The following IHH variants were observed in gnomAD, a reference collection of about 807,000 sequenced individuals.
IHH encodes Indian hedgehog signaling molecule.
Under a neutral mutation model 29.4 loss-of-function variants are expected in IHH, and 9 were observed. That is an observed-to-expected ratio of 0.31 (90% CI 0.18 to 0.53). IHH has a LOEUF of 0.53. IHH is among the 20% of genes least tolerant of loss of function. IHH has a pLI of 0.95. For missense variants in IHH, 454 were observed against 578.1 expected, an observed-to-expected ratio of 0.79 and a Z score of 2.20; for synonymous variants, 254 against 252.7, an observed-to-expected ratio of 1.01 and a Z score of -0.05.
At position 219,055,520 on chromosome 2, in the gene IHH, C is replaced by A. The variant is rs1948822341; in HGVS notation, c.923G>T (p.Gly308Val). Residue 308 changes from glycine (G) to valine (V), a missense_variant, in exon 3 of 3, where the codon GGG becomes GTG. Around this residue, in one of 3 missense-constraint regions of IHH, gnomAD observed 271 missense variants for 315.9 expected, o/e 0.86. Transcript: ENST00000295731. Reference protein sequence around the residue: ...VQPGQYVLVAGVPGLQPARVA... With the variant: ...VQPGQYVLVAVVPGLQPARVA... Reference sequence around the variant, plus strand: ...GCGGGCAGGCTGCAGGCCTGGCACCCCAGCCACCAGCACGTACTGGCCAGG... The same window carrying A: ...GCGGGCAGGCTGCAGGCCTGGCACCACAGCCACCAGCACGTACTGGCCAGG... The A allele has an allele frequency of 6.2e-7, 1 of 1,611,188 alleles. No homozygotes were observed. Among genetic ancestry groups the A allele is most frequent in the Non-Finnish European group, 8.5e-7 (1 of 1,178,620 alleles).
At position 219,055,624 on chromosome 2, in the gene IHH, G is replaced by A. The variant is rs61747697; in HGVS notation, c.819C>T (p.Pro273=). 2,680 of 1,614,024 alleles carry A rather than the reference G, an allele frequency of 1.7e-3. 47 individuals are homozygous for A. The African/African-American group carries it at 0.029, about 18-fold the overall frequency. Residue 273 remains proline (P), a synonymous_variant, in exon 3 of 3, where the codon CCC becomes CCT. Transcript: ENST00000295731. ...QDPPRRLALT[P]AHLLFTADNH... Reference sequence around the variant, plus strand: ...TGTCAGCCGTAAAGAGCAGGTGAGCGGGTGTGAGTGCCAGGCGGCGTGGGG... The same window carrying A: ...TGTCAGCCGTAAAGAGCAGGTGAGCAGGTGTGAGTGCCAGGCGGCGTGGGG...
chr2:219,054,987 T>C lies in IHH; in HGVS notation c.*220A>G. 1 of 598,336 alleles carries C rather than the reference T, an allele frequency of 1.7e-6. No individual in the cohort carries two copies. The highest frequency in any genetic ancestry group is 2.8e-5 in the East Asian group (1 of 35,478). The allele number at this position is 598,336 out of a possible 1,614,324, so 37.1% of individuals were successfully genotyped here. A position where few individuals can be genotyped will look rare whatever the true frequency, so the allele number is the denominator to read the frequency against. ...TCTAGGAGAGAGGGGTCAACAACCA[T>C]CCCCTCGCCAGCTCAGCTTGCAGCT... On this transcript the variant is annotated 3_prime_UTR_variant, in exon 3 of 3. Transcript: ENST00000295731.
chr2:219,056,381 A>G (rs968867084), intron 2 of IHH, among the ~76,000 whole-genome samples: 1 of 146,152 alleles, frequency 6.8e-6, no homozygotes, highest in Non-Finnish European at 1.6e-5. Context: ...GGGGCAGGCC[A>G]GGGGCGAGGA....
chr2:219,054,879 C>T lies in IHH; in HGVS notation c.*328G>A, dbSNP rs907700737. On this transcript the variant is annotated 3_prime_UTR_variant, in exon 3 of 3. Transcript: ENST00000295731. ...AGGGGCCTAAGATGGATGGAATGGG[C>T]CCTCCCCAATGGGGGAGGCAGAGTA... 5.6e-6 allele frequency: 2 copies of T among 354,920 alleles called. No homozygotes were observed. Among genetic ancestry groups the T allele is most frequent in the South Asian group, 3.4e-5 (1 of 29,810 alleles). 22.0% of individuals were successfully genotyped at this position (354,920 alleles called of 1,614,324 possible). A position where few individuals can be genotyped will look rare whatever the true frequency, so the allele number is the denominator to read the frequency against.
Position 219,055,504 on chromosome 2 carries a change from C to T in IHH, c.939G>A (p.Gln313=). Residue 313 remains glutamine, a synonymous_variant, in exon 3 of 3, where the codon CAG becomes CAA. Coordinates refer to ENST00000295731, the MANE Select transcript of IHH (RefSeq NM_002181.4). The part of the protein sequence containing the change: ...YVLVAGVPGL[Q]PARVAAVSTH... Reference sequence around the variant, plus strand: ...TAGAGACAGCTGCCACGCGGGCAGGCTGCAGGCCTGGCACCCCAGCCACCA... The same window carrying T: ...TAGAGACAGCTGCCACGCGGGCAGGTTGCAGGCCTGGCACCCCAGCCACCA... 1 of 1,610,330 alleles carries T rather than the reference C, an allele frequency of 6.2e-7. No homozygotes were observed. The highest frequency in any genetic ancestry group is 8.5e-7 in the Non-Finnish European group (1 of 1,178,024).
intron 2 of IHH, 44 bp from the exon 3 acceptor site, chr2:219,055,909 A>C: frequency 3.2e-6 from 5 of 1,574,034 alleles, no homozygotes; most frequent in Non-Finnish European, 4.3e-6. Flanking sequence ...TGTGCAGCTC[A>C]GCCTCCTGGT....
At chr2:219,056,184 C>T (rs1948829201) in intron 2 of IHH, among the ~76,000 whole-genome samples, 1 of 152,216 alleles carries the variant, frequency 6.6e-6, no homozygotes, top group Non-Finnish European at 1.5e-5. Context: ...TTGCTTAGCT[C>T]CTCCGAGGCC....
chr2:219,055,406 G>T lies in IHH; in HGVS notation c.1037C>A (p.Ser346Tyr). Residue 346 changes from serine to tyrosine, a missense_variant, in exon 3 of 3, where the codon TCC (serine) becomes TAC (tyrosine). Physicochemically the swap from Ser to Tyr is moderately radical, Grantham distance 144. Around this residue, in one of 3 missense-constraint regions of IHH, gnomAD observed 271 missense variants for 315.9 expected, o/e 0.86. Coordinates refer to ENST00000295731, the MANE Select transcript of IHH (RefSeq NM_002181.4). ...GTGGTCAGCCACGGCCGCGAAGCAG[G>T]ATGCCACCACATCCTCCACCACCAG... ...GTLVVEDVVA[S>Y]CFAAVADHHL... The T allele has an allele frequency of 6.2e-7, 1 of 1,613,326 alleles. No individual in the cohort carries two copies. Among genetic ancestry groups the T allele is most frequent in the East Asian group, 2.2e-5 (1 of 44,888 alleles).
rs1420291129 is a variant in IHH at position 219,054,609 on chromosome 2, C to T, written c.*598G>A. On this transcript the variant is annotated 3_prime_UTR_variant, in exon 3 of 3. Transcript: ENST00000295731. ...GGGGGGGTGGCAAGCACATCCAACC[C>T]ACCTCCCCCAGTCCCCGGCACTACG... is the stretch of plus-strand genomic sequence containing the variant. 1 of 153,080 alleles carries T rather than the reference C, an allele frequency of 6.5e-6. No individual in the cohort carries two copies. Among genetic ancestry groups the T allele is most frequent in the African/African-American group, 2.4e-5 (1 of 41,434 alleles). 9.5% of individuals were successfully genotyped at this position (153,080 alleles called of 1,614,324 possible). A position where few individuals can be genotyped will look rare whatever the true frequency, so the allele number is the denominator to read the frequency against.
Position 219,060,500 on chromosome 2 carries a change from TCTC to T in IHH, c.-36_-34del, listed in dbSNP as rs1365284499. 7.1e-7 allele frequency: 1 copy of T among 1,410,326 alleles called. No individual in the cohort carries two copies. The highest frequency in any genetic ancestry group is 2.8e-5 in the Admixed American group (1 of 35,150). The allele number at this position is 1,410,326 out of a possible 1,614,324, so 87.4% of individuals were successfully genotyped here. A position where few individuals can be genotyped will look rare whatever the true frequency, so the allele number is the denominator to read the frequency against. The stretch of plus-strand genomic sequence containing the variant: ...GAGCCCGGGGGAGCGGCGGGCGAGG[TCTC>T]CTGGTGGGCTGATGGGCAGGCGCGT... On this transcript the variant is annotated 5_prime_UTR_variant, in exon 1 of 3. Transcript: ENST00000295731. The surrounding 1 kb of genome is among the most constrained non-coding windows in gnomAD (Gnocchi z 8.8).
Position 219,055,628 on chromosome 2 carries a change from G to A in IHH, c.815C>T (p.Thr272Ile). 1 of 1,614,078 alleles carries A rather than the reference G, an allele frequency of 6.2e-7. No homozygotes were observed. The highest frequency in any genetic ancestry group is 8.5e-7 in the Non-Finnish European group (1 of 1,179,982). Residue 272 changes from threonine (T) to isoleucine (I), a missense_variant, in exon 3 of 3, where the codon ACA (threonine) becomes ATA (isoleucine). Thr to Ile is a moderately conservative substitution (Grantham distance 89). This residue lies in a region of IHH where 271 missense variants were observed against 315.9 expected (regional missense o/e 0.86). Transcript: ENST00000295731. Reference protein sequence around the residue: ...TQDPPRRLALTPAHLLFTADN... With the variant: ...TQDPPRRLALIPAHLLFTADN... ...AGCCGTAAAGAGCAGGTGAGCGGGT[G>A]TGAGTGCCAGGCGGCGTGGGGGGTC...
At chr2:219,057,775 T>A in intron 1 of IHH, 81 bp from the exon 2 acceptor site, 1 of 1,523,144 alleles carries the variant, frequency 6.6e-7, no homozygotes, top group Non-Finnish European at 8.8e-7. Flanking sequence ...AGGCGCAGCC[T>A]CGCCCAGAAC....
chr2:219,059,562 G>T lies in IHH; in HGVS notation c.315+591C>A, dbSNP rs1236253427. On this transcript the variant is annotated intron_variant, in intron 1 of 2. Coordinates refer to ENST00000295731, the MANE Select transcript of IHH (RefSeq NM_002181.4). The surrounding 1 kb of genome is among the most constrained non-coding windows in gnomAD (Gnocchi z 4.7). ...ACCCCTCAGCTCTCCGGACAGACAC[G>T]TGGGCTCGCTGGGCAGGTTCCTTTT... Among the ~76,000 whole-genome samples, 2 of 152,064 alleles carry T rather than the reference G, an allele frequency of 1.3e-5. No individual in the cohort carries two copies. Among genetic ancestry groups the T allele is most frequent in the East Asian group, 3.9e-4 (2 of 5,166 alleles).
rs1441866677 is a variant in IHH, at chr2:219,059,176, G to T, written c.315+977C>A. Among the ~76,000 whole-genome samples, 2 of 152,200 alleles carry T rather than the reference G, an allele frequency of 1.3e-5. No homozygotes were observed. Among genetic ancestry groups the T allele is most frequent in the Non-Finnish European group, 2.9e-5 (2 of 68,038 alleles). On this transcript the variant is annotated intron_variant, in intron 1 of 2. Coordinates refer to ENST00000295731, the MANE Select transcript of IHH (RefSeq NM_002181.4). This position sits in a 1 kb window ranked among gnomAD's most constrained non-coding sequence, Gnocchi z 4.7. Reference sequence around the variant, plus strand: ...CCAACCTTCGGCCCCGACACTGGCCGGCCAGCCCCGGCGCCAGGGTGCATG... The same window carrying T: ...CCAACCTTCGGCCCCGACACTGGCCTGCCAGCCCCGGCGCCAGGGTGCATG...
chr2:219,057,369 A>G, intron 2 of IHH, 64 bp downstream of exon 2: 2 of 1,540,112 alleles, frequency 1.3e-6, no homozygotes, highest in Non-Finnish European at 1.8e-6. Flanking sequence ...CCTTCTCGGC[A>G]CTACTCCTCC....
intron 2 of IHH, among the ~76,000 whole-genome samples, chr2:219,057,014 C>T (rs1274442648): frequency 6.6e-6 from 1 of 152,216 alleles, no homozygotes; most frequent in African/African-American, 2.4e-5. Context: ...TTCTGAGCCT[C>T]TGGGCTCCTG....
In IHH at chr2:219,057,514, G is replaced by T. The variant is rs773386517; in HGVS notation, c.496C>A (p.Leu166Met). 4 of 1,613,798 alleles carry T rather than the reference G, an allele frequency of 2.5e-6. No individual in the cohort carries two copies. In the African/African-American group the frequency reaches 5.3e-5, roughly 22 times the overall value. Residue 166 changes from leucine (L) to methionine (M), a missense_variant, in exon 2 of 3, where the codon CTG becomes ATG. Physicochemically the swap from Leu to Met is conservative, Grantham distance 15 (BLOSUM62 2). Around this residue, in one of 3 missense-constraint regions of IHH, gnomAD observed 70 missense variants for 140.1 expected, o/e 0.50. Coordinates refer to ENST00000295731, the MANE Select transcript of IHH (RefSeq NM_002181.4). ...SDRDRNKYGL[L>M]ARLAVEAGFD... The stretch of plus-strand genomic sequence containing the variant: ...CCGGCCTCCACTGCCAAGCGCGCCA[G>T]CAGTCCATACTTATTGCGGTCGCGG...
chr2:219,054,823 G>A lies in IHH; in HGVS notation c.*384C>T. The stretch of plus-strand genomic sequence containing the variant: ...TCCATGCTGGCTCCCAGGGAATTTA[G>A]CAGCATCAACTGAGGCGCAAGCCCA... On this transcript the variant is annotated 3_prime_UTR_variant, in exon 3 of 3. Transcript: ENST00000295731. 4.1e-6 allele frequency: 1 copy of A among 245,900 alleles called. No homozygotes were observed. Among genetic ancestry groups the A allele is most frequent in the East Asian group, 1.1e-4 (1 of 9,274 alleles). The allele number at this position is 245,900 out of a possible 1,614,324, so 15.2% of individuals were successfully genotyped here.
intron 1 of IHH, 141 bp from the exon 2 acceptor site, chr2:219,057,835 C>G: frequency 1.7e-6 from 2 of 1,170,974 alleles, no homozygotes; most frequent in Non-Finnish European, 1.2e-6. Flanking sequence ...TGCTGTCCCT[C>G]TCCCTTAGGA....
Sources: gnomAD v4.1 joint callset for allele counts (sites outside exome capture counted in the v4.1 genomes callset) on GRCh38, gnomAD v4.1.1 for gene constraint, gnomAD v4.1.1 regional missense constraint, Gnocchi (gnomAD v3.1) non-coding constraint, MANE v1.5 for transcripts, NCBI Gene and HGNC (gene_info 2026-07-23, HGNC 2026-07-21) for gene names.